Variants in MYL4 observed in about 807,000 individuals in gnomAD.
The protein encoded by MYL4 is atrial myosin light chain 1.
A neutral mutation model predicts 21.6 loss-of-function variants in MYL4; 16 were observed. The observed-to-expected ratio is 0.74, with a 90% CI of 0.50 to 1.12. The LOEUF (loss-of-function observed/expected upper bound fraction) is 1.12. Ranked by LOEUF, MYL4 falls within the 50% of genes most tolerant of loss-of-function variation. The probability of loss-of-function intolerance (pLI) is 0.00; values close to 1 mark genes in which losing one functional copy is unlikely to be tolerated. For missense variants in MYL4, 249 were observed against 252.9 expected (o/e 0.98, Z 0.11); for synonymous variants, 82 against 95.7 (o/e 0.86, Z 0.83).
At chr17:47,189,474 A>T in the MYL4 span, 1 of 484,860 alleles carries the variant, frequency 2.1e-6, no homozygotes, top group South Asian at 2.3e-5. Flanking sequence ...CCCAAAGCGT[A>T]GGTTTCTCTT....
chr17:47,220,384 C>T (rs1413769800), intron 3 of MYL4, among the ~76,000 whole-genome samples: 1 of 152,154 alleles, frequency 6.6e-6, no homozygotes. Context: ...GTTCCCACTC[C>T]CCAGCCCAGG....
chr17:47,219,147 G>A lies in MYL4; in HGVS notation c.164-757G>A, dbSNP rs144984780. ...GTCCATGGCAGAGCTGGGGTGGTCT[G>A]ACCATTGCCTTATCTGGCCTGGGGG... is the stretch of plus-strand genomic sequence containing the variant. On this transcript the variant is annotated intron_variant, in intron 2 of 6. Coordinates refer to ENST00000393450, the MANE Select transcript of MYL4 (RefSeq NM_002476.2). 1.7e-4 allele frequency among the ~76,000 whole-genome samples: 26 copies of A among 152,366 alleles called. No homozygotes were observed. The East Asian group carries it at 5.0e-3, about 29-fold the overall frequency.
intron 5 of MYL4, 128 bp downstream of exon 5, chr17:47,222,585 T>C: frequency 1.3e-6 from 1 of 771,568 alleles, no homozygotes; most frequent in East Asian, 2.7e-5. Context: ...CCATTGGATG[T>C]TGTTCTGTTC....
At chr17:47,215,214 C>A (rs935355096) in intron 2 of MYL4, among the ~76,000 whole-genome samples, 1 of 152,202 alleles carries the variant, frequency 6.6e-6, no homozygotes, top group Non-Finnish European at 1.5e-5. Context: ...AATTTCAATG[C>A]ATTTTAGTTA....
Position 47,209,588 on chromosome 17 carries a change from T to A in MYL4, c.135+31T>A, listed in dbSNP as rs182279271. On this transcript the variant is annotated intron_variant, in intron 1 of 6. Coordinates refer to ENST00000393450, the MANE Select transcript of MYL4 (RefSeq NM_002476.2). The stretch of plus-strand genomic sequence containing the variant: ...TGAGGCTCAGCCATTGGGATAGAGG[T>A]GGGGATGACATTGAGAGTCCTTTTG... 4.1e-4 allele frequency: 659 copies of A among 1,613,998 alleles called. 3 individuals are homozygous for A. The highest frequency in any genetic ancestry group is 3.8e-5 in the Non-Finnish European group (45 of 1,179,984).
the MYL4 span, among the ~76,000 whole-genome samples, chr17:47,193,881 G>A: frequency 3.2e-3 from 486 of 152,114 alleles, 6 homozygotes; most frequent in Middle Eastern, 0.027. Flanking sequence ...TCAGCCTCCC[G>A]AGTAGCTGGG....
chr17:47,203,890 A>G (rs1409389973), intron 1 of MYL4, among the ~76,000 whole-genome samples: 1 of 152,218 alleles, frequency 6.6e-6, no homozygotes, highest in Non-Finnish European at 1.5e-5. Flanking sequence ...ATAACTCTCC[A>G]TGTCAGGGCT....
chr17:47,213,734 C>T, intron 1 of MYL4, 65 bp from the exon 2 acceptor site: 2 of 1,487,912 alleles, frequency 1.3e-6, no homozygotes, highest in Admixed American at 1.8e-5. Flanking sequence ...TTCTACTTCC[C>T]TTTGGGGGGC....
upstream of MYL4, among the ~76,000 whole-genome samples, chr17:47,204,189 A>G (rs2064719162): frequency 1.3e-5 from 2 of 152,174 alleles, no homozygotes; most frequent in Non-Finnish European, 2.9e-5. Context: ...GGTGGAGGAA[A>G]AGGGAGATCA....
At chr17:47,227,066 G>T (rs2064888326), downstream of MYL4, among the ~76,000 whole-genome samples, 1 of 152,180 alleles carries the variant, frequency 6.6e-6, no homozygotes, top group Admixed American at 6.5e-5. Context: ...ATGTTGGCCA[G>T]GCTGGTCTCA....
upstream of MYL4, among the ~76,000 whole-genome samples, chr17:47,205,469 C>T (rs754602632): frequency 6.6e-6 from 1 of 152,146 alleles, no homozygotes; most frequent in Non-Finnish European, 1.5e-5. Flanking sequence ...GACCATAAGA[C>T]GATGGAAGCT....
At chr17:47,212,927 T>C (rs1239067479) in intron 1 of MYL4, among the ~76,000 whole-genome samples, 1 of 152,196 alleles carries the variant, frequency 6.6e-6, no homozygotes, top group Non-Finnish European at 1.5e-5. Flanking sequence ...CGGCCTCTTA[T>C]AAATTGTACT....
the MYL4 span, among the ~76,000 whole-genome samples, chr17:47,194,068 C>T: frequency 6.6e-6 from 1 of 152,274 alleles, no homozygotes; most frequent in South Asian, 2.1e-4. Flanking sequence ...TTCTTGTGGC[C>T]CCAGTTTCTC....
At chr17:47,216,097 C>CTT (rs112133657) in intron 2 of MYL4, among the ~76,000 whole-genome samples, 2,222 of 144,846 alleles carry the variant, frequency 0.015, 51 homozygotes, top group African/African-American at 0.053. Flanking sequence ...TTCTTTTGTG[C>CTT]TTTTTTTTTT....
the MYL4 span, among the ~76,000 whole-genome samples, chr17:47,190,442 G>C: frequency 6.6e-5 from 10 of 152,340 alleles, no homozygotes; most frequent in African/African-American, 2.4e-4. Flanking sequence ...AGCAGATGAG[G>C]AAACAGTTTT....
intron 1 of MYL4, among the ~76,000 whole-genome samples, chr17:47,201,520 G>T (rs73316013): frequency 0.016 from 2,430 of 151,494 alleles, 55 homozygotes; most frequent in African/African-American, 0.056. Context: ...GCAATGGCAC[G>T]ATCTGCTCAC....
intron 2 of MYL4, among the ~76,000 whole-genome samples, chr17:47,216,735 C>T (rs2064817964): frequency 6.7e-6 from 1 of 148,176 alleles, no homozygotes; most frequent in Admixed American, 6.8e-5. Context: ...GCGCTTGTTG[C>T]CCAGGCTGGA....
chr17:47,227,406 G>A (rs1006950399), downstream of MYL4, among the ~76,000 whole-genome samples: 7 of 152,114 alleles, frequency 4.6e-5, no homozygotes, highest in Admixed American at 1.3e-4. Flanking sequence ...CCACTATTTC[G>A]AACCCAGATC....
chr17:47,217,185 G>A (rs547884177), intron 2 of MYL4, among the ~76,000 whole-genome samples: 17 of 152,152 alleles, frequency 1.1e-4, no homozygotes, highest in Admixed American at 9.2e-4. Context: ...GCCTGGGTGC[G>A]GTGGCTCATA....
Sources: gnomAD v4.1 joint callset for allele counts (sites outside exome capture counted in the v4.1 genomes callset) on GRCh38, gnomAD v4.1.1 for gene constraint, MANE v1.5 for transcripts, NCBI Gene and HGNC (gene_info 2026-07-23, HGNC 2026-07-21) for gene names.